IQCK: variants seen among roughly 807,000 people sequenced by gnomAD.
IQCK encodes the protein IQ domain-containing protein K.
IQCK carries 29 observed loss-of-function variants against 28.1 expected under a neutral mutation model. The observed-to-expected ratio is 1.03, with a 90% CI of 0.77 to 1.41. The LOEUF is 1.41. Ranked by LOEUF, IQCK falls within the 40% of genes most tolerant of loss-of-function variation. The pLI, the probability that IQCK is intolerant of heterozygous loss-of-function variation, is 0.00. For missense variants in IQCK, 359 were observed against 314.7 expected (o/e 1.14, Z -1.07); for synonymous variants, 113 against 115.1 (o/e 0.98, Z 0.12).
chr16:19,741,513 A>G (rs2054834270), intron 4 of IQCK, among the ~76,000 whole-genome samples: 1 of 152,192 alleles, frequency 6.6e-6, no homozygotes, highest in Non-Finnish European at 1.5e-5. Flanking sequence ...TATATTAGAG[A>G]TTAATGAGGC....
intron 3 of IQCK, 58 bp downstream of exon 3, chr16:19,733,885 AG>A: frequency 6.3e-7 from 1 of 1,593,538 alleles, no homozygotes; most frequent in Non-Finnish European, 8.6e-7. Flanking sequence ...GCAGAACCAC[AG>A]GGTGGGTATG....
At chr16:19,729,218 C>T (rs1977752721) in intron 1 of IQCK, among the ~76,000 whole-genome samples, 1 of 152,184 alleles carries the variant, frequency 6.6e-6, no homozygotes, top group Admixed American at 6.5e-5. Flanking sequence ...AGTGATTCTC[C>T]TGCCTCAGCC....
chr16:19,763,330 T>G (rs1400826587), intron 4 of IQCK, among the ~76,000 whole-genome samples: 1 of 152,162 alleles, frequency 6.6e-6, no homozygotes, highest in Non-Finnish European at 1.5e-5. Context: ...TTCCTCCTCA[T>G]CTTCAGGTTT....
rs117173028 is a variant in IQCK, at chr16:19,841,684, T to A, written c.802+14547T>A. ...GGCTATGTGACCTTGAACAAGTTAC[T>A]TAACTCTTCTAGCTTTCGGTTTTTT... On this transcript the variant is annotated intron_variant, in intron 9 of 9. Transcript: ENST00000320394. Among the ~76,000 whole-genome samples the A allele has an allele frequency of 6.1e-3, 928 of 152,326 alleles. 23 individuals carry two copies. In the East Asian group the frequency reaches 0.092, roughly 15 times the overall value.
intron 9 of IQCK, among the ~76,000 whole-genome samples, chr16:19,835,192 GGAGGTGGAGGTTGCAGT>G (rs892071402): frequency 5.9e-5 from 9 of 152,066 alleles, no homozygotes; most frequent in African/African-American, 9.7e-5. Context: ...GTGTGAACCA[GGAGGTGGAGGTTGCAGT>G]GAGGTGGAGG....
chr16:19,838,611 G>A (rs933349152), intron 9 of IQCK, among the ~76,000 whole-genome samples: 5 of 152,280 alleles, frequency 3.3e-5, no homozygotes, highest in Middle Eastern at 3.4e-3. Flanking sequence ...CAAACGTTGC[G>A]TGTCTGCAAA....
intron 4 of IQCK, among the ~76,000 whole-genome samples, chr16:19,743,155 AGT>A (rs1361145729): frequency 1.3e-5 from 2 of 151,854 alleles, no homozygotes; most frequent in African/African-American, 4.8e-5. Flanking sequence ...TGGGTGGCAG[AGT>A]GAGATTCTGT....
intron 7 of IQCK, among the ~76,000 whole-genome samples, chr16:19,821,570 A>G (rs1483644811): frequency 6.6e-6 from 1 of 152,196 alleles, no homozygotes; most frequent in Non-Finnish European, 1.5e-5. Flanking sequence ...GCATGGTAGC[A>G]TGTGCCTGTA....
chr16:19,775,492 AC>A (rs1185848562), intron 6 of IQCK, among the ~76,000 whole-genome samples: 4 of 152,156 alleles, frequency 2.6e-5, no homozygotes, highest in African/African-American at 9.7e-5. Context: ...TATAAATATT[AC>A]CTAATTTAAC....
exon 1 of IQCK, chr16:19,718,282 C>A (rs1010749287): frequency 1.3e-6 from 2 of 1,587,104 alleles, no homozygotes; most frequent in South Asian, 1.1e-5. Context: ...TTCCGGCGAA[C>A]GCGGTTACCG....
intron 4 of IQCK, chr16:19,761,759 GTA>G (rs1160693780): frequency 9.1e-6 from 2 of 219,280 alleles, no homozygotes; most frequent in African/African-American, 4.5e-5. Context: ...GGTTTACTAG[GTA>G]TCTATCCCTT....
chr16:19,737,075 TC>T (rs1464548218), intron 4 of IQCK, among the ~76,000 whole-genome samples: 2 of 151,056 alleles, frequency 1.3e-5, no homozygotes, highest in African/African-American at 4.9e-5. Flanking sequence ...GATGGGAGGA[TC>T]AACTGAGCCC....
At chr16:19,815,350 T>C (rs1236791032) in intron 7 of IQCK, among the ~76,000 whole-genome samples, 1 of 152,180 alleles carries the variant, frequency 6.6e-6, no homozygotes, top group East Asian at 1.9e-4. Flanking sequence ...CTACAGCTTT[T>C]ACAAATTAGA....
chr16:19,834,753 C>T (rs1044395403), intron 9 of IQCK, among the ~76,000 whole-genome samples: 4 of 152,178 alleles, frequency 2.6e-5, no homozygotes, highest in African/African-American at 9.6e-5. Flanking sequence ...TGTCCATCTA[C>T]ATTTGAGGAG....
intron 7 of IQCK, among the ~76,000 whole-genome samples, chr16:19,804,527 T>A (rs1394266518): frequency 6.6e-6 from 1 of 151,768 alleles, no homozygotes; most frequent in East Asian, 2.0e-4. Context: ...AACCTCCACC[T>A]CCCAGGCTCA....
At chr16:19,756,770 G>A (rs1404180363) in intron 4 of IQCK, among the ~76,000 whole-genome samples, 2 of 151,998 alleles carry the variant, frequency 1.3e-5, no homozygotes, top group Non-Finnish European at 2.9e-5. Flanking sequence ...GGTGGCATAT[G>A]CCTGTAGTCC....
intron 1 of IQCK, among the ~76,000 whole-genome samples, chr16:19,723,627 A>C (rs1241129757): frequency 6.6e-6 from 1 of 152,164 alleles, no homozygotes; most frequent in South Asian, 2.1e-4. Context: ...GACTGGGAGC[A>C]CCTACATCAA....
At chr16:19,761,189 A>G (rs971629160) in intron 4 of IQCK, 9 of 337,724 alleles carry the variant, frequency 2.7e-5, no homozygotes, top group Non-Finnish European at 4.1e-5. Context: ...CCCAGCCCCT[A>G]TTCAAGATGG....
intron 9 of IQCK, among the ~76,000 whole-genome samples, chr16:19,832,827 G>GGAGAGA (rs554339160): frequency 6.6e-6 from 1 of 151,922 alleles, no homozygotes; most frequent in African/African-American, 2.4e-5. Context: ...TATGGCGGCA[G>GGAGAGA]GAGAGAGAGA....
Sources: gnomAD v4.1 joint callset for allele counts (sites outside exome capture counted in the v4.1 genomes callset) on GRCh38, gnomAD v4.1.1 for gene constraint, MANE v1.5 for transcripts, NCBI Gene and HGNC (gene_info 2026-07-23, HGNC 2026-07-21) for gene names.